Variants in CDH18 observed in about 807,000 individuals in gnomAD.
The protein encoded by CDH18 is cadherin 18, also known as cadherin-18.
CDH18 carries 31 observed loss-of-function variants against 67.9 expected under a neutral mutation model. The ratio of observed to expected loss-of-function variants is 0.46; its 90% CI spans 0.34 to 0.62. The LOEUF (loss-of-function observed/expected upper bound fraction) is 0.62, where lower values mean the gene tolerates loss of function less well. Ranked by LOEUF, CDH18 falls within the 20% of genes least tolerant of loss-of-function variation. The pLI is 0.01. For synonymous variants in CDH18, 362 were observed against 347.2 expected (o/e 1.04, Z -0.48); for missense variants, 890 against 975.5 (o/e 0.91, Z 1.17).
chr5:19,805,468 T>C (rs1777944290), intron 3 of CDH18, among the ~76,000 whole-genome samples: 1 of 152,194 alleles, frequency 6.6e-6, no homozygotes, highest in African/African-American at 2.4e-5. Context: ...TATCCATATG[T>C]GTTTTCCTAA....
intron 11 of CDH18, among the ~76,000 whole-genome samples, chr5:19,489,409 G>A (rs1740965481): frequency 1.3e-5 from 2 of 151,650 alleles, no homozygotes; most frequent in Non-Finnish European, 1.5e-5. Flanking sequence ...CACCACACCT[G>A]GCTAATGTTT....
chr5:20,441,773 G>C (rs115315385), intron 1 of CDH18, among the ~76,000 whole-genome samples: 1 of 145,420 alleles, frequency 6.9e-6, no homozygotes, highest in Non-Finnish European at 1.5e-5. Flanking sequence ...AAGATAAAAG[G>C]ATTTATTTAG....
At position 20,196,271 on chromosome 5, in the gene CDH18, C is replaced by A. The variant is rs1395878910; in HGVS notation, c.-518+59173G>T. ...TTATAGTGTTTACTAATTTGATAGG[C>A]AATATTCTGACTATTTTAAATATAT... is the stretch of plus-strand genomic sequence containing the variant. On this transcript the variant is annotated intron_variant, in intron 2 of 14. Coordinates refer to the CDH18 transcript ENST00000507958. Among the ~76,000 whole-genome samples the A allele has an allele frequency of 2.0e-5, 3 of 148,500 alleles. No homozygotes were observed. In the South Asian group the frequency reaches 6.4e-4, roughly 32 times the overall value.
chr5:19,672,806 T>G (rs1758933443), intron 5 of CDH18, among the ~76,000 whole-genome samples: 1 of 152,050 alleles, frequency 6.6e-6, no homozygotes, highest in African/African-American at 2.4e-5. Flanking sequence ...AATTTTATTG[T>G]GATAGAAATA....
intron 2 of CDH18, among the ~76,000 whole-genome samples, chr5:20,193,352 C>T (rs1290691335): frequency 1.3e-5 from 2 of 152,042 alleles, no homozygotes; most frequent in African/African-American, 4.8e-5. Flanking sequence ...TGGACATATT[C>T]CTGGACACAT....
intron 3 of CDH18, among the ~76,000 whole-genome samples, chr5:19,752,460 C>T (rs113714621): frequency 3.3e-5 from 5 of 152,174 alleles, no homozygotes; most frequent in African/African-American, 1.2e-4. Context: ...CCATTATCTT[C>T]CTAGGTACAT....
intron 2 of CDH18, among the ~76,000 whole-genome samples, chr5:19,874,754 A>T (rs1291288086): frequency 1.3e-5 from 2 of 152,190 alleles, no homozygotes; most frequent in Non-Finnish European, 2.9e-5. Context: ...GCTGCAACTC[A>T]TTTATAGGAA....
At chr5:19,944,287 A>G (rs59429379) in intron 2 of CDH18, among the ~76,000 whole-genome samples, 16,677 of 152,138 alleles carry the variant, frequency 0.11, 2,627 homozygotes, top group African/African-American at 0.35. Context: ...AGAAATAGAA[A>G]CAGCTAAAGT....
chr5:19,845,486 T>A (rs1782830697), intron 2 of CDH18, among the ~76,000 whole-genome samples: 1 of 152,180 alleles, frequency 6.6e-6, no homozygotes. Context: ...TGTGTTTTGA[T>A]GCAGTTGGGT....
chr5:19,795,031 C>T (rs1031860947), intron 3 of CDH18, among the ~76,000 whole-genome samples: 3 of 152,020 alleles, frequency 2.0e-5, no homozygotes, highest in Admixed American at 2.0e-4. Flanking sequence ...TTTCCTGTCC[C>T]ACAACCTGAC....
At chr5:19,533,850 A>G (rs1395143254) in intron 9 of CDH18, among the ~76,000 whole-genome samples, 1 of 152,138 alleles carries the variant, frequency 6.6e-6, no homozygotes, top group Non-Finnish European at 1.5e-5. Flanking sequence ...AAGTTTTTGG[A>G]GAAGCAATGT....
intron 2 of CDH18, among the ~76,000 whole-genome samples, chr5:20,174,745 A>G (rs2126662841): frequency 6.6e-6 from 1 of 152,294 alleles, no homozygotes; most frequent in East Asian, 1.9e-4. Flanking sequence ...TGATCCCATT[A>G]TAATAAAAAG....
upstream of CDH18, among the ~76,000 whole-genome samples, chr5:19,991,632 A>G (rs1183555335): frequency 6.6e-6 from 1 of 152,172 alleles, no homozygotes; most frequent in South Asian, 2.1e-4. Context: ...AAATTGATAA[A>G]AAAGTGATCT....
intron 2 of CDH18, among the ~76,000 whole-genome samples, chr5:19,871,678 A>G (rs1786312476): frequency 6.6e-6 from 1 of 152,098 alleles, no homozygotes. Flanking sequence ...GATTCCTTCC[A>G]TCTTGTATGT....
chr5:19,838,646 T>C, intron 3 of CDH18, 113 bp downstream of exon 3: 3 of 675,722 alleles, frequency 4.4e-6, no homozygotes, highest in South Asian at 3.7e-5. Flanking sequence ...TAATTCACTC[T>C]ACAACATAAT....
At chr5:20,258,827 T>G (rs566630902) in intron 1 of CDH18, among the ~76,000 whole-genome samples, 1 of 152,058 alleles carries the variant, frequency 6.6e-6, no homozygotes, top group Non-Finnish European at 1.5e-5. Context: ...TCCAAAGAAC[T>G]CAGAGAAAGC....
intron 2 of CDH18, among the ~76,000 whole-genome samples, chr5:20,008,024 A>G (rs1298532294): frequency 6.6e-6 from 1 of 152,026 alleles, no homozygotes; most frequent in Non-Finnish European, 1.5e-5. Flanking sequence ...CCCCTGGTAT[A>G]GACATATTCT....
At chr5:20,415,087 C>T (rs2150149792) in intron 1 of CDH18, among the ~76,000 whole-genome samples, 1 of 152,182 alleles carries the variant, frequency 6.6e-6, no homozygotes, top group Admixed American at 6.5e-5. Context: ...CCTAAATGCC[C>T]ATAAACAGAT....
At chr5:19,598,447 A>G (rs1746517069) in intron 6 of CDH18, among the ~76,000 whole-genome samples, 2 of 152,132 alleles carry the variant, frequency 1.3e-5, no homozygotes, top group South Asian at 4.1e-4. Context: ...CTATTTGGAA[A>G]ATTTAAAATG....
Sources: gnomAD v4.1 joint callset for allele counts (sites outside exome capture counted in the v4.1 genomes callset) on GRCh38, gnomAD v4.1.1 for gene constraint, MANE v1.5 for transcripts, NCBI Gene and HGNC (gene_info 2026-07-23, HGNC 2026-07-21) for gene names.